IDH2: variants seen among roughly 807,000 people sequenced by gnomAD.
IDH2 encodes the protein isocitrate dehydrogenase (NADP(+)) 2.
Under a neutral mutation model 50.5 loss-of-function variants are expected in IDH2, and 18 were observed. That is an observed-to-expected ratio of 0.36 (90% confidence interval 0.25 to 0.53). The LOEUF is 0.53. IDH2 is among the 20% of genes least tolerant of loss of function. The probability of loss-of-function intolerance (pLI) is 0.92; values close to 1 mark genes in which losing one functional copy is unlikely to be tolerated. For missense variants in IDH2, 518 were observed against 610.7 expected (o/e 0.85, Z 1.60); for synonymous variants, 280 against 239.8 (o/e 1.17, Z -1.55).
rs1400846051 is a variant in IDH2 at position 90,085,991 on chromosome 15, T to C, written c.968-604A>G. On this transcript the variant is annotated intron_variant, in intron 7 of 10. Transcript: ENST00000330062. This position sits in a 1 kb window ranked among gnomAD's most constrained non-coding sequence, Gnocchi z 5.5. ...TACAGGAAAATGCTTTGTCTATGAA[T>C]TCTAAGAATTTTGGCTGTAAGCAAT... Among the ~76,000 whole-genome samples, 1 of 152,188 alleles carries C rather than the reference T, an allele frequency of 6.6e-6. No individual in the cohort carries two copies. Among genetic ancestry groups the C allele is most frequent in the Non-Finnish European group, 1.5e-5 (1 of 68,028 alleles).
At chr15:90,093,224 T>A (rs551433806) in intron 1 of IDH2, among the ~76,000 whole-genome samples, 38 of 152,326 alleles carry the variant, frequency 2.5e-4, no homozygotes, top group African/African-American at 8.9e-4. Context: ...TCTCTTTATC[T>A]CTCTCTGTTG....
At chr15:90,093,551 T>C (rs932568403) in intron 1 of IDH2, among the ~76,000 whole-genome samples, 2 of 152,204 alleles carry the variant, frequency 1.3e-5, no homozygotes, top group African/African-American at 4.8e-5. Flanking sequence ...TGTGATTCCA[T>C]TTAATCCCAA....
chr15:90,092,171 T>C (rs1170739412), intron 1 of IDH2, among the ~76,000 whole-genome samples: 1 of 152,124 alleles, frequency 6.6e-6, no homozygotes, highest in East Asian at 1.9e-4. Context: ...GTAATAATAA[T>C]AGAAATAAAG....
At position 90,083,441 on chromosome 15, in the gene IDH2, T is replaced by G. The variant is rs1468079011; in HGVS notation, c.*825A>C. ...CGCCACTGTGCCCGGCCGAGAACAA[T>G]TTGTCACAAGCTTACTTTTCTAGTT... On this transcript the variant is annotated 3_prime_UTR_variant, in exon 11 of 11. Transcript: ENST00000330062. 1 of 152,184 alleles carries G rather than the reference T, an allele frequency of 6.6e-6. No homozygotes were observed. The highest frequency in any genetic ancestry group is 2.4e-5 in the African/African-American group (1 of 41,390). 9.4% of individuals were successfully genotyped at this position (152,184 alleles called of 1,614,324 possible).
intron 4 of IDH2, 24 bp downstream of exon 4, chr15:90,088,563 G>T (rs1457067534): frequency 6.2e-7 from 1 of 1,614,076 alleles, no homozygotes; most frequent in Non-Finnish European, 8.5e-7. Context: ...CAGGTCAGTG[G>T]ATCCCCTCTC....
In IDH2 at chr15:90,085,882, T is replaced by C. The variant is rs1900847227; in HGVS notation, c.968-495A>G. 6.6e-6 allele frequency among the ~76,000 whole-genome samples: 1 copy of C among 152,210 alleles called. No individual in the cohort carries two copies. Among genetic ancestry groups the C allele is most frequent in the Non-Finnish European group, 1.5e-5 (1 of 68,038 alleles). On this transcript the variant is annotated intron_variant, in intron 7 of 10. Transcript: ENST00000330062. This position sits in a 1 kb window ranked among gnomAD's most constrained non-coding sequence, Gnocchi z 5.5. ...TCCACATGTCAACTCCAGCAAGCTT[T>C]TCTATTGTCAAGGACTCCAGGGCTT...
chr15:90,096,911 G>A (rs189806090), intron 1 of IDH2, among the ~76,000 whole-genome samples: 106 of 151,410 alleles, frequency 7.0e-4, no homozygotes, highest in Non-Finnish European at 1.3e-3. Flanking sequence ...GCAAGACTCC[G>A]TCTCGAAAAA....
At chr15:90,094,901 C>CA (rs11397045) in intron 1 of IDH2, among the ~76,000 whole-genome samples, 45,366 of 119,432 alleles carry the variant, frequency 0.38, 8,085 homozygotes, top group East Asian at 0.63. Flanking sequence ...GACTCCATCT[C>CA]AAAAAAACAA....
At chr15:90,095,080 TA>T (rs74351435) in intron 1 of IDH2, among the ~76,000 whole-genome samples, 1 of 151,290 alleles carries the variant, frequency 6.6e-6, no homozygotes, top group African/African-American at 2.4e-5. Flanking sequence ...TTTTTTTTTT[TA>T]ATCTAAAAAT....
rs767061831 is a variant in IDH2 at position 90,085,316 on chromosome 15, C to T, written c.1039G>A (p.Ala347Thr). Residue 347 changes from alanine to threonine, a missense_variant, in exon 8 of 11, where the codon GCT becomes ACT. Ala to Thr is a moderately conservative substitution (Grantham distance 58). This residue lies in a region of IDH2 where 135 missense variants were observed against 167.6 expected (regional missense o/e 0.81). Transcript: ENST00000330062. This position sits in a 1 kb window ranked among gnomAD's most constrained non-coding sequence, Gnocchi z 5.5. Reference protein sequence around the residue: ...PDGKTIEAEAAHGTVTRHYRE... With the variant: ...PDGKTIEAEATHGTVTRHYRE... ...TAGTGGCGGGTGACGGTCCCATGAG[C>T]GGCCTCAGCCTCAATCGTCTTCCCA... 7 of 1,552,040 alleles carry T rather than the reference C, an allele frequency of 4.5e-6. No homozygotes were observed. The highest frequency in any genetic ancestry group is 3.6e-5 in the South Asian group (3 of 84,244).
intron 1 of IDH2, among the ~76,000 whole-genome samples, chr15:90,101,899 A>G (rs1445942968): frequency 6.6e-6 from 1 of 151,722 alleles, no homozygotes; most frequent in Non-Finnish European, 1.5e-5. Context: ...GGGGTGCTCC[A>G]GCCCCCCACG....
At position 90,089,315 on chromosome 15, in the gene IDH2, G is replaced by A. The variant is rs190925177; in HGVS notation, c.374-568C>T. Among the ~76,000 whole-genome samples the A allele has an allele frequency of 1.2e-4, 19 of 152,314 alleles. No individual in the cohort carries two copies. The East Asian group carries it at 1.3e-3, about 11-fold the overall frequency. ...CCAGCCTAAGTGTTGTCGTGAGGAC[G>A]AAATGAGCTCGTGTGTAAAGGGCCT... On this transcript the variant is annotated intron_variant, in intron 3 of 10. Coordinates refer to ENST00000330062, the MANE Select transcript of IDH2 (RefSeq NM_002168.4).
At chr15:90,091,700 T>C in intron 1 of IDH2, 56 bp from the exon 2 acceptor site, 1 of 1,438,210 alleles carries the variant, frequency 7.0e-7, no homozygotes. Context: ...AGGGGGGCCC[T>C]CTCCTCCCAG....
At position 90,100,190 on chromosome 15, in the gene IDH2, C is replaced by T. The variant is rs1901291851; in HGVS notation, c.115+2086G>A. On this transcript the variant is annotated intron_variant, in intron 1 of 10. Coordinates refer to ENST00000330062, the MANE Select transcript of IDH2 (RefSeq NM_002168.4). The surrounding 1 kb of genome is among the most constrained non-coding windows in gnomAD (Gnocchi z 4.1). Reference sequence around the variant, plus strand: ...ACAGTGTACTAATATTTGCAATCTGCTGGTATTTTTAACATGGGTTTACAG... The same window carrying T: ...ACAGTGTACTAATATTTGCAATCTGTTGGTATTTTTAACATGGGTTTACAG... Among the ~76,000 whole-genome samples, 1 of 152,160 alleles carries T rather than the reference C, an allele frequency of 6.6e-6. No individual in the cohort carries two copies. The highest frequency in any genetic ancestry group is 2.4e-5 in the African/African-American group (1 of 41,420).
In IDH2 at chr15:90,085,087, G is replaced by C; in HGVS notation, c.1092C>G (p.Thr364=). 1 of 1,613,826 alleles carries C rather than the reference G, an allele frequency of 6.2e-7. No individual in the cohort carries two copies. Among genetic ancestry groups the C allele is most frequent in the Non-Finnish European group, 8.5e-7 (1 of 1,179,954 alleles). ...HYREHQKGRP[T]STNPIASIFA... ...AGATGCTGGCGATGGGGTTGGTGCT[G>C]GTGGGCCGGCCCTGGGGACGGGGGT... The change falls in exon 9 of 11, where the codon ACC becomes ACG. Residue 364 remains threonine, a synonymous_variant. Coordinates refer to ENST00000330062, the MANE Select transcript of IDH2 (RefSeq NM_002168.4). This position sits in a 1 kb window ranked among gnomAD's most constrained non-coding sequence, Gnocchi z 5.5.
chr15:90,085,568 C>T lies in IDH2; in HGVS notation c.968-181G>A, dbSNP rs550975329. Among the ~76,000 whole-genome samples the T allele has an allele frequency of 1.0e-3, 158 of 152,332 alleles. No individual in the cohort carries two copies. Among genetic ancestry groups the T allele is most frequent in the African/African-American group, 3.8e-3 (156 of 41,572 alleles). On this transcript the variant is annotated intron_variant, in intron 7 of 10. Coordinates refer to ENST00000330062, the MANE Select transcript of IDH2 (RefSeq NM_002168.4). This position sits in a 1 kb window ranked among gnomAD's most constrained non-coding sequence, Gnocchi z 5.5. The stretch of plus-strand genomic sequence containing the variant: ...GGTCTCTTCACCCTCCTGTGGGTCT[C>T]CAGGGCCCAGCACAGGGCTGGAGGG...
rs1291620564 is a variant in IDH2 at position 90,083,192 on chromosome 15, G to A, written c.*1074C>T. 1 of 136,170 alleles carries A rather than the reference G, an allele frequency of 7.3e-6. No homozygotes were observed. Among genetic ancestry groups the A allele is most frequent in the African/African-American group, 2.8e-5 (1 of 35,950 alleles). The allele number at this position is 136,170 out of a possible 1,614,324, so 8.4% of individuals were successfully genotyped here. On this transcript the variant is annotated 3_prime_UTR_variant, in exon 11 of 11. Transcript: ENST00000330062. ...CTGTCACCCAGGCTGGAGTGCAGTG[G>A]TGCAGTCTCGGCTCACTGCAACCTC... is the stretch of plus-strand genomic sequence containing the variant.
At chr15:90,091,712 C>A in intron 1 of IDH2, 68 bp from the exon 2 acceptor site, 1 of 1,239,798 alleles carries the variant, frequency 8.1e-7, no homozygotes, top group Non-Finnish European at 1.2e-6. Flanking sequence ...TCCTCCCAGC[C>A]AGGCCCGCCC....
Position 90,084,172 on chromosome 15 carries a change from G to T in IDH2, c.*94C>A. Reference sequence around the variant, plus strand: ...AAAACATCCCCTAGAAAGGCCTCCAGAGAGGGGCTGTGAGGCTCACCCTCT... The same window carrying T: ...AAAACATCCCCTAGAAAGGCCTCCATAGAGGGGCTGTGAGGCTCACCCTCT... On this transcript the variant is annotated 3_prime_UTR_variant, in exon 11 of 11. Transcript: ENST00000330062. This position sits in a 1 kb window ranked among gnomAD's most constrained non-coding sequence, Gnocchi z 5.0. 2 of 955,814 alleles carry T rather than the reference G, an allele frequency of 2.1e-6. No individual in the cohort carries two copies. The highest frequency in any genetic ancestry group is 1.4e-5 in the South Asian group (1 of 73,628). 59.2% of individuals were successfully genotyped at this position (955,814 alleles called of 1,614,324 possible).
Sources: gnomAD v4.1 joint callset for allele counts (sites outside exome capture counted in the v4.1 genomes callset) on GRCh38, gnomAD v4.1.1 for gene constraint, gnomAD v4.1.1 regional missense constraint, Gnocchi (gnomAD v3.1) non-coding constraint, MANE v1.5 for transcripts, NCBI Gene and HGNC (gene_info 2026-07-23, HGNC 2026-07-21) for gene names.